OXTR: variants seen among roughly 807,000 people sequenced by gnomAD.
The protein encoded by OXTR is oxytocin receptor.
OXTR carries 19 observed loss-of-function variants against 23.9 expected under a neutral mutation model. That is an observed-to-expected ratio of 0.80 (90% CI 0.56 to 1.17). The LOEUF (loss-of-function observed/expected upper bound fraction) is 1.17, where lower values mean the gene tolerates loss of function less well. OXTR is among the 50% of genes most tolerant of loss of function. The pLI, the probability that OXTR is intolerant of heterozygous loss-of-function variation, is 0.00. For missense variants in OXTR, 500 were observed against 550.7 expected, an observed-to-expected ratio of 0.91 and a Z score of 0.92; for synonymous variants, 278 against 250.5, an observed-to-expected ratio of 1.11 and a Z score of -1.04.
chr3:8,755,793 C>T (rs541179400), intron 3 of OXTR, among the ~76,000 whole-genome samples: 5 of 152,316 alleles, frequency 3.3e-5, no homozygotes, highest in African/African-American at 1.2e-4. Context: ...CCAGGAACAG[C>T]ACTTCAAAGC....
chr3:8,741,548 A>G, the OXTR span, among the ~76,000 whole-genome samples: 6 of 152,278 alleles, frequency 3.9e-5, 1 homozygote, highest in African/African-American at 1.4e-4. Flanking sequence ...TTGAAAAAAG[A>G]AAACAAACAA....
rs146441685 is a variant in OXTR, at chr3:8,752,980, C to T, written c.1167G>A (p.Ala389=). ...AGCCCTGGCCCTGGCTGGTGGGTCA[C>T]GCCGTGGATGGCTGGGAGCAGCTCC... ...SQRSCSQPST[A] The change falls in exon 4 of 4, where the codon GCG becomes GCA. Residue 389 remains alanine, a synonymous_variant. Coordinates refer to ENST00000316793, the MANE Select transcript of OXTR (RefSeq NM_000916.4). The T allele has an allele frequency of 1.9e-5, 31 of 1,610,360 alleles. No homozygotes were observed. The highest frequency in any genetic ancestry group is 1.2e-4 in the African/African-American group (9 of 74,844).
downstream of OXTR, among the ~76,000 whole-genome samples, chr3:8,748,936 C>T (rs1437865596): frequency 6.6e-6 from 1 of 152,116 alleles, no homozygotes; most frequent in African/African-American, 2.4e-5. Context: ...TCCACGTTCA[C>T]TTTTGATGAT....
chr3:8,759,102 G>A (rs926521038), intron 3 of OXTR, among the ~76,000 whole-genome samples: 2 of 152,180 alleles, frequency 1.3e-5, no homozygotes, highest in African/African-American at 4.8e-5. Context: ...TAAAGTTTGA[G>A]CAGCTTCCTT....
intron 3 of OXTR, among the ~76,000 whole-genome samples, chr3:8,766,648 G>A (rs764452995): frequency 7.2e-5 from 11 of 152,084 alleles, no homozygotes; most frequent in Non-Finnish European, 1.3e-4. Flanking sequence ...ACCTCCACTC[G>A]ATGAGGAGTT....
the OXTR span, among the ~76,000 whole-genome samples, chr3:8,743,828 A>G: frequency 6.6e-6 from 1 of 152,244 alleles, no homozygotes; most frequent in Non-Finnish European, 1.5e-5. Flanking sequence ...AAAGAAATGC[A>G]CCAAAACAAT....
intron 3 of OXTR, among the ~76,000 whole-genome samples, chr3:8,754,328 A>T (rs1428789108): frequency 6.6e-6 from 1 of 152,220 alleles, no homozygotes; most frequent in Non-Finnish European, 1.5e-5. Flanking sequence ...AATGGCCTTA[A>T]ATCTGAACAA....
intron 3 of OXTR, among the ~76,000 whole-genome samples, chr3:8,756,972 C>T (rs1470998283): frequency 6.6e-6 from 1 of 152,190 alleles, no homozygotes; most frequent in Non-Finnish European, 1.5e-5. Context: ...GCACCTTCTC[C>T]GGGGTCCCTC....
At chr3:8,765,532 C>T (rs967842870) in intron 3 of OXTR, among the ~76,000 whole-genome samples, 1 of 152,232 alleles carries the variant, frequency 6.6e-6, no homozygotes, top group Non-Finnish European at 1.5e-5. Flanking sequence ...GAGGACTAGA[C>T]CCCACATCTC....
At chr3:8,763,066 T>C (rs1225669932) in intron 3 of OXTR, among the ~76,000 whole-genome samples, 2 of 152,280 alleles carry the variant, frequency 1.3e-5, no homozygotes, top group Middle Eastern at 3.4e-3. Flanking sequence ...AGCCCACACA[T>C]TGGACTTGGG....
chr3:8,767,912 C>T lies in OXTR; in HGVS notation c.276G>A (p.Gln92=). ...SIADLVVAVF[Q]VLPQLLWDIT... ...TGTCCCACAGCAACTGCGGCAGCAC[C>T]TGAAACACTGCCACCACCAGGTCGG... Residue 92 remains glutamine (Q), a synonymous_variant, in exon 3 of 4, where the codon CAG becomes CAA. Transcript: ENST00000316793. The T allele has an allele frequency of 6.2e-7, 1 of 1,613,688 alleles. No individual in the cohort carries two copies. The highest frequency in any genetic ancestry group is 8.5e-7 in the Non-Finnish European group (1 of 1,179,866).
At chr3:8,766,400 A>C (rs1708607402) in intron 3 of OXTR, among the ~76,000 whole-genome samples, 1 of 152,134 alleles carries the variant, frequency 6.6e-6, no homozygotes, top group Admixed American at 6.5e-5. Context: ...GCTTTCTGGC[A>C]CAGGCCAAGA....
intron 3 of OXTR, among the ~76,000 whole-genome samples, chr3:8,754,142 A>T (rs1295829605): frequency 1.3e-5 from 2 of 152,254 alleles, no homozygotes; most frequent in Non-Finnish European, 2.9e-5. Context: ...CATGGAAGTT[A>T]TCTGAAGTAC....
chr3:8,765,428 A>C (rs760558966), intron 3 of OXTR, among the ~76,000 whole-genome samples: 7 of 152,220 alleles, frequency 4.6e-5, no homozygotes, highest in Non-Finnish European at 8.8e-5. Context: ...AATTAACTGA[A>C]TGCTGAAATG....
At chr3:8,747,217 G>A (rs985655537), downstream of OXTR, among the ~76,000 whole-genome samples, 12 of 152,096 alleles carry the variant, frequency 7.9e-5, no homozygotes, top group African/African-American at 2.9e-4. Flanking sequence ...GAACTAGGAC[G>A]CAGGCAGCCT....
chr3:8,768,013 A>C lies in OXTR; in HGVS notation c.175T>G (p.Cys59Gly), dbSNP rs1323218977. 3.1e-6 allele frequency: 5 copies of C among 1,609,436 alleles called. No individual in the cohort carries two copies. Among genetic ancestry groups the C allele is most frequent in the Non-Finnish European group, 4.2e-6 (5 of 1,178,288 alleles). Residue 59 changes from cysteine (C) to glycine (G), a missense_variant, in exon 3 of 4, where the codon TGT becomes GGT. Cys to Gly is a radical substitution (Grantham distance 159, BLOSUM62 -3). Transcript: ENST00000316793. This position sits in a 1 kb window ranked among gnomAD's most constrained non-coding sequence, Gnocchi z 5.4. ...GTGGTGCGCAGCGCCAGCAGCACAC[A>C]CGCGTTCCCGCTCAGCGCCAGGAGC... ...ILLLALSGNA[C>G]VLLALRTTRQ...
downstream of OXTR, chr3:8,745,779 T>G: frequency 6.2e-7 from 1 of 1,614,032 alleles, no homozygotes; most frequent in South Asian, 1.1e-5. This position sits in a 1 kb window ranked among gnomAD's most constrained non-coding sequence, Gnocchi z 4.8. Context: ...ATCTACTCAC[T>G]CTGCATCCGC....
chr3:8,750,027 G>C (rs1708225875), downstream of OXTR, among the ~76,000 whole-genome samples: 1 of 152,152 alleles, frequency 6.6e-6, no homozygotes, highest in Non-Finnish European at 1.5e-5. Flanking sequence ...CCTCTGATCA[G>C]TAGTGTCCTG....
chr3:8,764,384 G>A (rs144356375), intron 3 of OXTR, among the ~76,000 whole-genome samples: 6 of 152,358 alleles, frequency 3.9e-5, no homozygotes, highest in Non-Finnish European at 8.8e-5. Flanking sequence ...CAGGTGATGA[G>A]TGGAGTAAGG....
Sources: gnomAD v4.1 joint callset for allele counts (sites outside exome capture counted in the v4.1 genomes callset) on GRCh38, gnomAD v4.1.1 for gene constraint, Gnocchi (gnomAD v3.1) non-coding constraint, MANE v1.5 for transcripts, NCBI Gene and HGNC (gene_info 2026-07-23, HGNC 2026-07-21) for gene names.